Variants in SEMA6D observed in about 807,000 individuals in gnomAD.
The protein encoded by SEMA6D is semaphorin-6D.
Under a neutral mutation model 106.6 loss-of-function variants are expected in SEMA6D, and 35 were observed. The ratio of observed to expected loss-of-function variants is 0.33; its 90% confidence interval spans 0.25 to 0.44. The LOEUF (loss-of-function observed/expected upper bound fraction) is 0.44, where lower values mean the gene tolerates loss of function less well. Among genes scored for constraint, SEMA6D ranks in the 20% least tolerant of loss-of-function variants. The pLI is 1.00. For missense variants in SEMA6D, 1,185 were observed against 1,345.9 expected (o/e 0.88, Z 1.87); for synonymous variants, 499 against 487.7 (o/e 1.02, Z -0.31).
intron 1 of SEMA6D, among the ~76,000 whole-genome samples, chr15:47,751,461 C>T (rs529660427): frequency 6.6e-6 from 1 of 152,268 alleles, no homozygotes; most frequent in African/African-American, 2.4e-5. Flanking sequence ...CACCAGGTGC[C>T]ATCATTCTCA....
intron 3 of SEMA6D, among the ~76,000 whole-genome samples, chr15:47,546,780 C>T (rs1255829441): frequency 2.6e-5 from 4 of 151,792 alleles, no homozygotes; most frequent in Non-Finnish European, 4.4e-5. Context: ...ATTCAGGTTT[C>T]CCTGGAGATC....
At chr15:47,248,852 GA>G (rs1365009062) in intron 1 of SEMA6D, among the ~76,000 whole-genome samples, 1 of 152,106 alleles carries the variant, frequency 6.6e-6, no homozygotes, top group East Asian at 1.9e-4. Flanking sequence ...TAGAACTGGG[GA>G]ACCTCAGTGG....
chr15:47,599,676 T>G (rs531216292), intron 3 of SEMA6D, among the ~76,000 whole-genome samples: 2 of 152,090 alleles, frequency 1.3e-5, no homozygotes, highest in Non-Finnish European at 2.9e-5. Flanking sequence ...TTTTTCTTTT[T>G]TCTATTTTCT....
At chr15:47,597,297 G>A (rs2076556051) in intron 3 of SEMA6D, among the ~76,000 whole-genome samples, 1 of 151,992 alleles carries the variant, frequency 6.6e-6, no homozygotes, top group African/African-American at 2.4e-5. Flanking sequence ...AGCCATTATT[G>A]AAAACTGTGG....
In SEMA6D at chr15:47,764,051, A is replaced by G. The variant is rs2082204111; in HGVS notation, c.949A>G (p.Thr317Ala). 3.1e-6 allele frequency: 5 copies of G among 1,613,846 alleles called. No homozygotes were observed. The highest frequency in any genetic ancestry group is 4.2e-6 in the Non-Finnish European group (5 of 1,179,852). Residue 317 changes from threonine (T) to alanine (A), a missense_variant, in exon 10 of 19, where the codon ACC becomes GCC. Physicochemically the swap from Thr to Ala is moderately conservative, Grantham distance 58. Transcript: ENST00000536845. Reference sequence around the variant, plus strand: ...CATCCCCACTGTGGTCGGGGTGTTTACCACGCAGCTCAATAGGTGAGAGCA... The same window carrying G: ...CATCCCCACTGTGGTCGGGGTGTTTGCCACGCAGCTCAATAGGTGAGAGCA... ...NGIPTVVGVF[T>A]TQLNSIPGSA...
At chr15:47,276,921 A>G (rs1395479235) in intron 1 of SEMA6D, among the ~76,000 whole-genome samples, 2 of 152,162 alleles carry the variant, frequency 1.3e-5, no homozygotes. Context: ...GATTCATGGG[A>G]GGAGGTCAAG....
At chr15:47,219,781 G>A (rs1237747754) in intron 1 of SEMA6D, among the ~76,000 whole-genome samples, 1 of 152,210 alleles carries the variant, frequency 6.6e-6, no homozygotes, top group Non-Finnish European at 1.5e-5. Flanking sequence ...ATAATTATGT[G>A]AATCAGCAAT....
chr15:47,762,887 T>C (rs1275790888), intron 8 of SEMA6D, 129 bp from the exon 9 acceptor site: 4 of 657,824 alleles, frequency 6.1e-6, no homozygotes, highest in East Asian at 2.9e-5. Flanking sequence ...CTCAAAGTCA[T>C]TGGCAGATTG....
At chr15:47,675,414 G>A (rs1358115358) in intron 4 of SEMA6D, among the ~76,000 whole-genome samples, 1 of 152,134 alleles carries the variant, frequency 6.6e-6, no homozygotes, top group African/African-American at 2.4e-5. Context: ...GACCAGAAGG[G>A]CACACACCGA....
chr15:47,715,354 TAA>T (rs1178963643), upstream of SEMA6D, among the ~76,000 whole-genome samples: 1 of 152,186 alleles, frequency 6.6e-6, no homozygotes, highest in Admixed American at 6.5e-5. Context: ...GGTAGCTGCA[TAA>T]AGAGTTAGCA....
chr15:47,460,457 G>A (rs180809161), intron 2 of SEMA6D, among the ~76,000 whole-genome samples: 2 of 152,014 alleles, frequency 1.3e-5, no homozygotes, highest in African/African-American at 4.8e-5. Context: ...AAAATGATGA[G>A]TACCCGACTC....
chr15:47,331,468 CTTAA>C (rs1567003714), intron 1 of SEMA6D, among the ~76,000 whole-genome samples: 2 of 151,912 alleles, frequency 1.3e-5, no homozygotes, highest in African/African-American at 2.4e-5. Context: ...TATTTTTAGT[CTTAA>C]TTATATAGGG....
intron 3 of SEMA6D, among the ~76,000 whole-genome samples, chr15:47,503,458 C>A (rs149035800): frequency 6.6e-6 from 1 of 152,222 alleles, no homozygotes; most frequent in African/African-American, 2.4e-5. Context: ...TGTCCTTAAC[C>A]AGCTAGATGA....
At chr15:47,469,555 A>G (rs2042768903) in intron 2 of SEMA6D, among the ~76,000 whole-genome samples, 1 of 152,174 alleles carries the variant, frequency 6.6e-6, no homozygotes, top group African/African-American at 2.4e-5. Flanking sequence ...CATGCCCATC[A>G]GTAGCTCAGA....
chr15:47,713,578 G>C (rs1197380932), upstream of SEMA6D, among the ~76,000 whole-genome samples: 1 of 152,172 alleles, frequency 6.6e-6, no homozygotes, highest in Non-Finnish European at 1.5e-5. Context: ...TCTATAATGT[G>C]CGAACGCAAG....
At chr15:47,638,807 C>T (rs1051745826) in intron 4 of SEMA6D, among the ~76,000 whole-genome samples, 3 of 152,204 alleles carry the variant, frequency 2.0e-5, no homozygotes, top group Non-Finnish European at 2.9e-5. Context: ...TTTTAAAAAC[C>T]GGCTGCCTCA....
intron 1 of SEMA6D, among the ~76,000 whole-genome samples, chr15:47,407,722 T>A (rs943993372): frequency 6.6e-6 from 1 of 152,236 alleles, no homozygotes; most frequent in Non-Finnish European, 1.5e-5. Context: ...ATACACAAAG[T>A]GCAGACCTGC....
At chr15:47,327,576 T>C (rs1172431113) in intron 1 of SEMA6D, among the ~76,000 whole-genome samples, 1 of 152,254 alleles carries the variant, frequency 6.6e-6, no homozygotes, top group Non-Finnish European at 1.5e-5. Context: ...GATAGTGCTT[T>C]TTGTCTTTTG....
intron 1 of SEMA6D, among the ~76,000 whole-genome samples, chr15:47,289,340 G>A (rs2142777774): frequency 7.2e-6 from 1 of 139,004 alleles, no homozygotes; most frequent in South Asian, 2.3e-4. Flanking sequence ...GTTTCAGTGG[G>A]CCAAGATCGT....
Sources: gnomAD v4.1 joint callset for allele counts (sites outside exome capture counted in the v4.1 genomes callset) on GRCh38, gnomAD v4.1.1 for gene constraint, MANE v1.5 for transcripts, NCBI Gene and HGNC (gene_info 2026-07-23, HGNC 2026-07-21) for gene names.